The following AP2A2 variants were observed in gnomAD, a reference collection of about 807,000 sequenced individuals.
The protein encoded by AP2A2 is AP-2 complex subunit alpha-2.
AP2A2 carries 32 observed loss-of-function variants against 104.2 expected under a neutral mutation model. That is an observed-to-expected ratio of 0.31 (90% CI 0.23 to 0.41). The LOEUF is 0.41. AP2A2 is among the 10% of genes least tolerant of loss of function. The pLI is 1.00. For synonymous variants in AP2A2, 539 were observed against 533.3 expected (o/e 1.01, Z -0.15); for missense variants, 912 against 1,261.0 (o/e 0.72, Z 4.19).
intron 1 of AP2A2, among the ~76,000 whole-genome samples, chr11:928,912 C>T (rs1054073469): frequency 6.6e-6 from 1 of 152,138 alleles, no homozygotes; most frequent in African/African-American, 2.4e-5. Context: ...CCCCATCTCC[C>T]CCACTGCCCT....
chr11:983,595 G>C (rs189496354), intron 6 of AP2A2, among the ~76,000 whole-genome samples: 4,957 of 151,832 alleles, frequency 0.033, 254 homozygotes, highest in African/African-American at 0.11. Context: ...GTGTTAGCCA[G>C]GATGGTCTCG....
chr11:926,963 A>C (rs1853140440), intron 1 of AP2A2, among the ~76,000 whole-genome samples: 1 of 152,228 alleles, frequency 6.6e-6, no homozygotes, highest in African/African-American at 2.4e-5. Context: ...CTTGGCTTTC[A>C]GAGGCCATCT....
At chr11:939,578 G>A (rs1047936120) in intron 1 of AP2A2, among the ~76,000 whole-genome samples, 3 of 151,936 alleles carry the variant, frequency 2.0e-5, no homozygotes, top group African/African-American at 7.3e-5. Context: ...CCGAGTAGCT[G>A]GGCTTACAGG....
intron 6 of AP2A2, among the ~76,000 whole-genome samples, chr11:983,207 A>G (rs866886753): frequency 6.7e-6 from 1 of 149,714 alleles, no homozygotes; most frequent in Non-Finnish European, 1.5e-5. Context: ...TTTGATGGAG[A>G]TGGGGTTTCA....
Position 985,589 on chromosome 11 carries a change from C to G in AP2A2, c.962+7C>G. The G allele has an allele frequency of 6.2e-7, 1 of 1,613,826 alleles. No homozygotes were observed. Among genetic ancestry groups the G allele is most frequent in the Non-Finnish European group, 8.5e-7 (1 of 1,179,862 alleles). On this transcript the variant is annotated splice_region_variant and intron_variant, in intron 8 of 21. Transcript: ENST00000448903. ...TAATCATTCACCATGACAGGTGTGT[C>G]GGCTGCCTGTGGAGAGGCTTCGTCT...
At position 993,791 on chromosome 11, in the gene AP2A2, C is replaced by T; in HGVS notation, c.1588C>T (p.His530Tyr). ...GTTCCACCTGCTGCACTCCAAGTTC[C>T]ACCTGTGCAGCGTCCCCACCCGCGC... ...IQFHLLHSKFHLCSVPTRALL... is the reference protein window; with the variant it reads ...IQFHLLHSKFYLCSVPTRALL... Residue 530 changes from histidine to tyrosine, a missense_variant, in exon 13 of 22, where the codon CAC becomes TAC. By Grantham distance (83) the His-to-Tyr change is moderately conservative. Around this residue, in one of 7 missense-constraint regions of AP2A2, gnomAD observed 137 missense variants for 186.9 expected, o/e 0.73. Transcript: ENST00000448903. The surrounding 1 kb of genome is among the most constrained non-coding windows in gnomAD (Gnocchi z 8.2). 1 of 1,606,330 alleles carries T rather than the reference C, an allele frequency of 6.2e-7. No homozygotes were observed.
rs201599998 is a variant in AP2A2, at chr11:1,006,333, C to CGG, written c.2207-194_2207-193dup. 3.4e-3 allele frequency among the ~76,000 whole-genome samples: 513 copies of CGG among 152,312 alleles called. 4 individuals are homozygous for CGG. Among genetic ancestry groups the CGG allele is most frequent in the African/African-American group, 0.012 (494 of 41,548 alleles). On this transcript the variant is annotated intron_variant, in intron 16 of 21. Transcript: ENST00000448903. ...GTTACCTCTGACTGGAGGAGATACC[C>CGG]GGCCCGTGTTACCAGCACTGGTGTG...
chr11:989,804 G>T (rs967060540), intron 10 of AP2A2, among the ~76,000 whole-genome samples: 1 of 152,256 alleles, frequency 6.6e-6, no homozygotes, highest in Admixed American at 6.5e-5. Flanking sequence ...GGGGTTTAAG[G>T]GGGAGGCCCG....
At chr11:988,761 T>C (rs937087510) in intron 10 of AP2A2, 72 bp downstream of exon 10, 1 of 1,563,784 alleles carries the variant, frequency 6.4e-7, no homozygotes, top group African/African-American at 1.4e-5. Context: ...TCCTTCGTGC[T>C]CTGCGATTCC....
At chr11:934,728 T>G (rs528023027) in intron 1 of AP2A2, among the ~76,000 whole-genome samples, 46 of 152,308 alleles carry the variant, frequency 3.0e-4, no homozygotes, top group Non-Finnish European at 5.3e-4. Flanking sequence ...ATTAGTTATT[T>G]AGCATATCTA....
intron 1 of AP2A2, chr11:946,785 T>TAAAAAAAAAAAAA (rs1853853132): frequency 6.0e-5 from 5 of 83,772 alleles, no homozygotes; most frequent in Non-Finnish European, 1.4e-4. Flanking sequence ...AAAAAGAAAT[T>TAAAAAAAAAAAAA]AAGATATTTC....
At chr11:1,005,808 G>T (rs114685958) in intron 16 of AP2A2, among the ~76,000 whole-genome samples, 1 of 152,206 alleles carries the variant, frequency 6.6e-6, no homozygotes, top group Non-Finnish European at 1.5e-5. Context: ...GCTCTGGGCC[G>T]TGATAGCTTC....
intron 1 of AP2A2, among the ~76,000 whole-genome samples, chr11:958,966 G>A (rs1030948319): frequency 1.1e-4 from 17 of 152,334 alleles, no homozygotes; most frequent in Middle Eastern, 3.4e-3. Context: ...AGAAACTGTG[G>A]AGGTGAATTT....
chr11:970,758 C>T (rs991884943), intron 3 of AP2A2, among the ~76,000 whole-genome samples: 7 of 152,358 alleles, frequency 4.6e-5, no homozygotes, highest in Non-Finnish European at 8.8e-5. Flanking sequence ...GCCTTGTTGA[C>T]GCACTGTCCC....
intron 15 of AP2A2, chr11:1,001,285 G>C (rs1429013671): frequency 2.6e-5 from 4 of 152,484 alleles, no homozygotes; most frequent in African/African-American, 9.7e-5. Context: ...TCTCTGCTGG[G>C]CTCATCAGCT....
chr11:998,143 C>T (rs1018992453), intron 14 of AP2A2, among the ~76,000 whole-genome samples: 10 of 152,226 alleles, frequency 6.6e-5, no homozygotes, highest in African/African-American at 1.4e-4. Context: ...TTCAGATGGT[C>T]TCATCGAGAC....
chr11:970,158 C>G lies in AP2A2; in HGVS notation c.137-11C>G. The G allele has an allele frequency of 6.2e-7, 1 of 1,613,610 alleles. No homozygotes were observed. On this transcript the variant is annotated splice_polypyrimidine_tract_variant and intron_variant, in intron 2 of 21. Coordinates refer to ENST00000448903, the MANE Select transcript of AP2A2 (RefSeq NM_012305.4). ...GCCTGGAATAAAACCTCTTCCCCAC[C>G]TTTTCTGTAGGTGACAAGGCTCTTG...
chr11:985,939 A>G (rs1855440669), intron 8 of AP2A2, among the ~76,000 whole-genome samples: 1 of 152,146 alleles, frequency 6.6e-6, no homozygotes, highest in Non-Finnish European at 1.5e-5. Context: ...GTGGAGCCGC[A>G]CTTGGTGGGT....
rs1303702161 is a variant in AP2A2, at chr11:992,964, G to C, written c.1452+279G>C. 6.6e-6 allele frequency among the ~76,000 whole-genome samples: 1 copy of C among 152,192 alleles called. No homozygotes were observed. Among genetic ancestry groups the C allele is most frequent in the Non-Finnish European group, 1.5e-5 (1 of 68,024 alleles). On this transcript the variant is annotated intron_variant, in intron 11 of 21. Coordinates refer to ENST00000448903, the MANE Select transcript of AP2A2 (RefSeq NM_012305.4). This position sits in a 1 kb window ranked among gnomAD's most constrained non-coding sequence, Gnocchi z 6.4. ...AGCATGCTGGGGCATGCCGTGGTGG[G>C]GCCTGCCCTGTCCGTCGGAGAGGGT...
Sources: allele counts gnomAD v4.1 joint callset (sites outside exome capture counted in the v4.1 genomes callset), GRCh38; gene constraint gnomAD v4.1.1; regional missense constraint gnomAD v4.1.1; non-coding constraint Gnocchi (gnomAD v3.1); transcripts MANE v1.5; gene names NCBI Gene and HGNC (gene_info 2026-07-23, HGNC 2026-07-21).